The following NUSAP1 variants were observed in gnomAD, a reference collection of about 807,000 sequenced individuals.
NUSAP1 encodes the protein nucleolar and spindle associated protein 1, also known as nucleolar and spindle-associated protein 1.
NUSAP1 carries 32 observed loss-of-function variants against 52.8 expected under a neutral mutation model. The observed-to-expected ratio is 0.61, with a 90% CI of 0.46 to 0.81. NUSAP1 has a LOEUF of 0.81. Ranked by LOEUF, NUSAP1 falls within the 40% of genes least tolerant of loss-of-function variation. The probability of loss-of-function intolerance (pLI) is 0.00; values close to 1 mark genes in which losing one functional copy is unlikely to be tolerated. For missense variants in NUSAP1, 499 were observed against 522.3 expected (o/e 0.96, Z 0.43); for synonymous variants, 195 against 183.1 (o/e 1.06, Z -0.52).
chr15:41,358,866 C>A (rs1016321076), intron 6 of NUSAP1, among the ~76,000 whole-genome samples: 1 of 152,224 alleles, frequency 6.6e-6, no homozygotes, highest in African/African-American at 2.4e-5. Context: ...CTGAAGCCAT[C>A]TTCTTTCCCT....
chr15:41,345,468 CTTTT>C, intron 2 of NUSAP1: 1 of 355,700 alleles, frequency 2.8e-6, no homozygotes, highest in African/African-American at 2.3e-5. Context: ...TTTTTTCTTT[CTTTT>C]TTTTTTTTCT....
In NUSAP1 at chr15:41,380,240, T is replaced by TA; in HGVS notation, c.*57dup. On this transcript the variant is annotated 3_prime_UTR_variant, in exon 11 of 11. Coordinates refer to ENST00000559596, the MANE Select transcript of NUSAP1 (RefSeq NM_016359.5). ...TGTATTCTCAACTTTTTTCCTTTTG[T>TA]AAATTTTTTTTTTTTGCTGTCATCC... The TA allele has an allele frequency of 2.2e-6, 3 of 1,339,224 alleles. No individual in the cohort carries two copies. Among genetic ancestry groups the TA allele is most frequent in the Admixed American group, 2.7e-5 (1 of 36,656 alleles). The allele number at this position is 1,339,224 out of a possible 1,614,324, so 83.0% of individuals were successfully genotyped here.
chr15:41,351,389 TC>T (rs1441877040), intron 4 of NUSAP1, among the ~76,000 whole-genome samples: 1 of 152,174 alleles, frequency 6.6e-6, no homozygotes, highest in Non-Finnish European at 1.5e-5. Flanking sequence ...CGCTTGGTGT[TC>T]CTTGGCTTGC....
At chr15:41,352,238 G>A (rs1024121532) in intron 4 of NUSAP1, among the ~76,000 whole-genome samples, 2 of 151,838 alleles carry the variant, frequency 1.3e-5, no homozygotes, top group South Asian at 2.1e-4. Context: ...CACCGCACCC[G>A]GCCTTCCTTT....
chr15:41,379,057 G>A (rs1160867307), intron 10 of NUSAP1, among the ~76,000 whole-genome samples: 1 of 138,900 alleles, frequency 7.2e-6, no homozygotes, highest in Non-Finnish European at 1.5e-5. Context: ...AGGTTCAAGT[G>A]ATACTGCTGC....
Position 41,335,824 on chromosome 15 carries a change from A to G in NUSAP1, c.93+2774A>G, listed in dbSNP as rs146807557. ...CTGGTATAAATATACTAAATATACTATATTATACCAGTATAAATATAAATA... is the reference window on the plus strand; with the variant it reads ...CTGGTATAAATATACTAAATATACTGTATTATACCAGTATAAATATAAATA... On this transcript the variant is annotated intron_variant, in intron 1 of 10. Coordinates refer to ENST00000559596, the MANE Select transcript of NUSAP1 (RefSeq NM_016359.5). 3.8e-3 allele frequency among the ~76,000 whole-genome samples: 558 copies of G among 147,126 alleles called. 5 individuals carry two copies. Among genetic ancestry groups the G allele is most frequent in the African/African-American group, 0.013 (536 of 40,502 alleles).
At position 41,364,132 on chromosome 15, in the gene NUSAP1, C is replaced by T. The variant is rs574282385; in HGVS notation, c.661-1270C>T. On this transcript the variant is annotated intron_variant, in intron 6 of 10. Coordinates refer to ENST00000559596, the MANE Select transcript of NUSAP1 (RefSeq NM_016359.5). ...CAGGTTGTGAGCCACTACACCTGGC[C>T]TAAGTTTATATTTAATAAACTGTAT... Among the ~76,000 whole-genome samples the T allele has an allele frequency of 2.6e-5, 4 of 152,254 alleles. No homozygotes were observed. The East Asian group carries it at 5.8e-4, about 22-fold the overall frequency.
rs751873058 is a variant in NUSAP1 at position 41,377,210 on chromosome 15, T to G, written c.1138T>G (p.Trp380Gly). 6.6e-7 allele frequency: 1 copy of G among 1,512,384 alleles called. No homozygotes were observed. Among genetic ancestry groups the G allele is most frequent in the Non-Finnish European group, 8.9e-7 (1 of 1,122,316 alleles). The allele number at this position is 1,512,384 out of a possible 1,614,324, so 93.7% of individuals were successfully genotyped here. A position where few individuals can be genotyped will look rare whatever the true frequency, so the allele number is the denominator to read the frequency against. Residue 380 changes from tryptophan to glycine, a missense_variant, in exon 10 of 11, where the codon TGG becomes GGG. By Grantham distance (184) the Trp-to-Gly change is radical. Coordinates refer to ENST00000559596, the MANE Select transcript of NUSAP1 (RefSeq NM_016359.5). ...YEPHKGKLKP[W>G]GQSKENNYLN... Reference sequence around the variant, plus strand: ...TCCTAAACTAGGAAAGCTAAAACCATGGGGGCAATCTAAAGAAAATAATTA... The same window carrying G: ...TCCTAAACTAGGAAAGCTAAAACCAGGGGGGCAATCTAAAGAAAATAATTA...
rs573382362 is a variant in NUSAP1, at chr15:41,357,307, G to T, written c.551-842G>T. ...CGCTTGAACCTGTGAGGCAGAGGTT[G>T]CAGTGAGCCAAGATCATGCCATTGC... On this transcript the variant is annotated intron_variant, in intron 5 of 10. Transcript: ENST00000559596. Among the ~76,000 whole-genome samples the T allele has an allele frequency of 6.3e-4, 96 of 152,050 alleles. No homozygotes were observed. The East Asian group carries it at 0.018, about 29-fold the overall frequency.
At chr15:41,359,641 T>C (rs976740640) in intron 6 of NUSAP1, among the ~76,000 whole-genome samples, 6 of 152,036 alleles carry the variant, frequency 3.9e-5, no homozygotes, top group South Asian at 2.1e-4. Context: ...CTTTTCTTTT[T>C]TTTTTTTGAG....
At chr15:41,350,955 T>C in intron 3 of NUSAP1, 33 bp from the exon 4 acceptor site, 1 of 1,564,826 alleles carries the variant, frequency 6.4e-7, no homozygotes, top group African/African-American at 1.4e-5. Flanking sequence ...TTATTTATCA[T>C]CGAAATCTTT....
rs770918753 is a variant in NUSAP1, at chr15:41,332,971, C to A, written c.14C>A (p.Ser5Tyr). ...TTTCGAATCGCGATGATCATCCCCTCTCTAGAGGAGCTGGACTCCCTCAAG... is the reference window on the plus strand; with the variant it reads ...TTTCGAATCGCGATGATCATCCCCTATCTAGAGGAGCTGGACTCCCTCAAG... MIIP[S>Y]LEELDSLKYS... Residue 5 changes from serine to tyrosine, a missense_variant, in exon 1 of 11, where the codon TCT (serine) becomes TAT (tyrosine). Ser to Tyr is a moderately radical substitution (Grantham distance 144, BLOSUM62 -2). Coordinates refer to ENST00000559596, the MANE Select transcript of NUSAP1 (RefSeq NM_016359.5). 6.2e-6 allele frequency: 10 copies of A among 1,610,816 alleles called. No individual in the cohort carries two copies. The East Asian group carries it at 2.0e-4, about 32-fold the overall frequency.
At chr15:41,372,372 T>C (rs190966661) in intron 8 of NUSAP1, among the ~76,000 whole-genome samples, 5 of 152,302 alleles carry the variant, frequency 3.3e-5, no homozygotes, top group African/African-American at 1.2e-4. Context: ...TCAACCATGT[T>C]GACTCGTTTT....
chr15:41,350,416 C>A (rs1180466647), intron 3 of NUSAP1, among the ~76,000 whole-genome samples: 2 of 151,732 alleles, frequency 1.3e-5, no homozygotes, highest in Admixed American at 6.6e-5. Context: ...CTTAAGAAGC[C>A]CGGGAAAAGA....
intron 6 of NUSAP1, among the ~76,000 whole-genome samples, chr15:41,361,782 C>G (rs2049188327): frequency 6.6e-6 from 1 of 152,068 alleles, no homozygotes; most frequent in Non-Finnish European, 1.5e-5. Flanking sequence ...TAACACTGTT[C>G]ACCCTGAATG....
At chr15:41,352,221 C>T (rs1419018621) in intron 4 of NUSAP1, among the ~76,000 whole-genome samples, 2 of 152,058 alleles carry the variant, frequency 1.3e-5, no homozygotes, top group Non-Finnish European at 2.9e-5. Flanking sequence ...AGATTACAGG[C>T]GTGAGCCACC....
chr15:41,364,944 C>T (rs1470526569), intron 6 of NUSAP1, among the ~76,000 whole-genome samples: 4 of 152,038 alleles, frequency 2.6e-5, no homozygotes, highest in Admixed American at 6.6e-5. Context: ...CCTTACTCAG[C>T]CTCAACTGGA....
intron 7 of NUSAP1, among the ~76,000 whole-genome samples, chr15:41,369,563 G>A (rs908760408): frequency 7.3e-5 from 11 of 150,604 alleles, no homozygotes; most frequent in South Asian, 2.1e-4. Context: ...CAAGAGAATC[G>A]CGTGAACCCA....
chr15:41,367,498 C>T (rs894868133), intron 7 of NUSAP1, among the ~76,000 whole-genome samples: 1 of 152,050 alleles, frequency 6.6e-6, no homozygotes, highest in African/African-American at 2.4e-5. Context: ...GGCCACTGGC[C>T]CCCAGCAGAG....
Sources: allele counts gnomAD v4.1 joint callset (sites outside exome capture counted in the v4.1 genomes callset), GRCh38; gene constraint gnomAD v4.1.1; transcripts MANE v1.5; gene names NCBI Gene and HGNC (gene_info 2026-07-23, HGNC 2026-07-21).